The following CSPG4 variants were observed in gnomAD, a reference collection of about 807,000 sequenced individuals.
CSPG4 encodes the protein chondroitin sulfate proteoglycan 4 (melanoma-associated).
Under a neutral mutation model 139.3 loss-of-function variants are expected in CSPG4, and 74 were observed. That is an observed-to-expected ratio of 0.53 (90% CI 0.44 to 0.64). CSPG4 has a LOEUF of 0.64. Among genes scored for constraint, CSPG4 ranks in the 30% least tolerant of loss-of-function variants. The pLI, the probability that CSPG4 is intolerant of heterozygous loss-of-function variation, is 0.00. For missense variants in CSPG4, 2,565 were observed against 3,148.3 expected, an observed-to-expected ratio of 0.81 and a Z score of 4.43; for synonymous variants, 1,234 against 1,394.2, an observed-to-expected ratio of 0.89 and a Z score of 2.56.
At position 75,712,756 on chromosome 15, in the gene CSPG4, C is replaced by T. The variant is rs1275280303; in HGVS notation, c.-1G>A. On this transcript the variant is annotated 5_prime_UTR_variant, in exon 1 of 10. Coordinates refer to ENST00000308508, the MANE Select transcript of CSPG4 (RefSeq NM_001897.5). ...GTGGGGGCCGCGGCCCGGACTGCAT[C>T]CCGGCGGGCTGGGCGGCAGGACTTG... 6.5e-6 allele frequency: 10 copies of T among 1,544,142 alleles called. No individual in the cohort carries two copies. The highest frequency in any genetic ancestry group is 7.9e-6 in the Non-Finnish European group (9 of 1,143,978).
At chr15:75,686,957 AAT>A (rs1894068252) in intron 3 of CSPG4, among the ~76,000 whole-genome samples, 1 of 152,020 alleles carries the variant, frequency 6.6e-6, no homozygotes. Context: ...AACTGACTGC[AAT>A]GGAGATTCTC....
chr15:75,694,000 C>T (rs1445756554), intron 1 of CSPG4, among the ~76,000 whole-genome samples: 1 of 152,242 alleles, frequency 6.6e-6, no homozygotes, highest in Non-Finnish European at 1.5e-5. Context: ...TTGCTTCCTG[C>T]TGGAGAGCTA....
intron 1 of CSPG4, among the ~76,000 whole-genome samples, chr15:75,707,946 C>A (rs1048554881): frequency 3.9e-5 from 6 of 151,996 alleles, no homozygotes; most frequent in South Asian, 2.1e-4. Flanking sequence ...AGCTACCCCC[C>A]AAACCAGGGC....
At chr15:75,700,250 C>G (rs989585211) in intron 1 of CSPG4, among the ~76,000 whole-genome samples, 21 of 152,126 alleles carry the variant, frequency 1.4e-4, no homozygotes, top group African/African-American at 4.8e-4. Context: ...GCCTGTGAAT[C>G]GGAAGTGGAG....
At chr15:75,709,816 G>A (rs915892024) in intron 1 of CSPG4, among the ~76,000 whole-genome samples, 2 of 152,088 alleles carry the variant, frequency 1.3e-5, no homozygotes, top group South Asian at 2.1e-4. Flanking sequence ...CCCCCCAGGC[G>A]GGCAGCACTA....
intron 1 of CSPG4, among the ~76,000 whole-genome samples, chr15:75,701,468 G>A (rs577888465): frequency 6.6e-6 from 1 of 152,284 alleles, no homozygotes; most frequent in African/African-American, 2.4e-5. Context: ...GGGCTACCCA[G>A]GCCCATCAGA....
chr15:75,706,545 T>C (rs1894375983), intron 1 of CSPG4, among the ~76,000 whole-genome samples: 3 of 152,094 alleles, frequency 2.0e-5, no homozygotes, highest in Non-Finnish European at 4.4e-5. Flanking sequence ...AAGAAAGGCC[T>C]GTAACCCCAC....
chr15:75,690,202 C>T lies in CSPG4; in HGVS notation c.863G>A (p.Ser288Asn). The T allele has an allele frequency of 6.2e-7, 1 of 1,613,378 alleles. No individual in the cohort carries two copies. The highest frequency in any genetic ancestry group is 8.5e-7 in the Non-Finnish European group (1 of 1,179,886). The change falls in exon 3 of 10, where the codon AGT becomes AAT. Residue 288 changes from serine (S) to asparagine (N), a missense_variant. Ser to Asn is a conservative substitution (Grantham distance 46). Coordinates refer to ENST00000308508, the MANE Select transcript of CSPG4 (RefSeq NM_001897.5). Reference sequence around the variant, plus strand: ...CAGCCGGTGAGCATTGATGTGGACACTGACCTCATGGGGCTGCCCATCGGC... The same window carrying T: ...CAGCCGGTGAGCATTGATGTGGACATTGACCTCATGGGGCTGCCCATCGGC... ...PVADGQPHEVSVHINAHRLEI... is the reference protein window; with the variant it reads ...PVADGQPHEVNVHINAHRLEI...
At chr15:75,699,894 C>T (rs1894278979) in intron 1 of CSPG4, among the ~76,000 whole-genome samples, 1 of 152,152 alleles carries the variant, frequency 6.6e-6, no homozygotes, top group South Asian at 2.1e-4. Context: ...CCATCCGTAC[C>T]CTCCTTTCCC....
rs531597178 is a variant in CSPG4, at chr15:75,689,251, C to A, written c.1814G>T (p.Arg605Leu). The A allele has an allele frequency of 1.2e-6, 2 of 1,610,362 alleles. No individual in the cohort carries two copies. The highest frequency in any genetic ancestry group is 1.7e-6 in the Non-Finnish European group (2 of 1,179,642). Residue 605 changes from arginine (R) to leucine (L), a missense_variant, in exon 3 of 10, where the codon CGC becomes CTC. Physicochemically the swap from Arg to Leu is moderately radical, Grantham distance 102. Transcript: ENST00000308508. ...CGCCGGCTCCCCAGGCTGGTCTCGG[C>A]GCTCCACGGGGAGGCCAGAGGAGGT... ...LGTSSGLPVERRDQPGEPATE... is the reference protein window; with the variant it reads ...LGTSSGLPVELRDQPGEPATE...
rs750431851 is a variant in CSPG4 at position 75,690,353 on chromosome 15, G to A, written c.712C>T (p.Pro238Ser). 2.5e-6 allele frequency: 4 copies of A among 1,611,802 alleles called. No individual in the cohort carries two copies. In the South Asian group the frequency reaches 4.4e-5, roughly 18 times the overall value. The change falls in exon 3 of 10, where the codon CCC (proline) becomes TCC (serine). Residue 238 changes from proline (P) to serine (S), a missense_variant. Coordinates refer to ENST00000308508, the MANE Select transcript of CSPG4 (RefSeq NM_001897.5). ...FTLTTQSRQA[P>S]LAFQAGGRRG... ...CGGCCCCCTGCCTGGAAGGCCAAGG[G>A]TGCCTGCCGGCTCTGTGTGGTGAGT...
In CSPG4 at chr15:75,677,116, A is replaced by G; in HGVS notation, c.5403T>C (p.Arg1801=). ...GGTQQDGFHF[R]AHLQGPAGAS... ...CCCCTGCTGGCCCCTGGAGGTGGGC[A>G]CGAAAGTGGAAGCCATCCTGCTGGG... Residue 1801 remains arginine, a synonymous_variant, in exon 10 of 10, where the codon CGT becomes CGC. Coordinates refer to ENST00000308508, the MANE Select transcript of CSPG4 (RefSeq NM_001897.5). The G allele has an allele frequency of 7.1e-7, 1 of 1,410,854 alleles. No individual in the cohort carries two copies. Among genetic ancestry groups the G allele is most frequent in the Admixed American group, 2.8e-5 (1 of 36,096 alleles). 87.4% of individuals were successfully genotyped at this position (1,410,854 alleles called of 1,614,324 possible).
At chr15:75,707,563 G>A (rs1438494973) in intron 1 of CSPG4, among the ~76,000 whole-genome samples, 3 of 152,220 alleles carry the variant, frequency 2.0e-5, no homozygotes, top group Non-Finnish European at 4.4e-5. Context: ...AGGCCACACA[G>A]CCCCAGGCCT....
At chr15:75,702,433 C>T (rs1894317388) in intron 1 of CSPG4, among the ~76,000 whole-genome samples, 1 of 152,252 alleles carries the variant, frequency 6.6e-6, no homozygotes, top group African/African-American at 2.4e-5. Context: ...GCCCAGGGGG[C>T]TGTGCTGTTG....
chr15:75,678,931 G>C (rs566118628), intron 8 of CSPG4: 32 of 373,896 alleles, frequency 8.6e-5, no homozygotes, highest in South Asian at 6.3e-4. Flanking sequence ...AGAGCCACAG[G>C]CTCTGGGATA....
At position 75,698,795 on chromosome 15, in the gene CSPG4, C is replaced by T. The variant is rs948959771; in HGVS notation, c.89-5562G>A. Among the ~76,000 whole-genome samples, 2 of 152,164 alleles carry T rather than the reference C, an allele frequency of 1.3e-5. No homozygotes were observed. Among genetic ancestry groups the T allele is most frequent in the Non-Finnish European group, 2.9e-5 (2 of 68,012 alleles). On this transcript the variant is annotated intron_variant, in intron 1 of 9. Coordinates refer to ENST00000308508, the MANE Select transcript of CSPG4 (RefSeq NM_001897.5). This position sits in a 1 kb window ranked among gnomAD's most constrained non-coding sequence, Gnocchi z 4.3. ...AGCAGACTCCCCAAGGCTCAGCCACCCACACTGAGCTATCACCTTCACCCA... is the reference window on the plus strand; with the variant it reads ...AGCAGACTCCCCAAGGCTCAGCCACTCACACTGAGCTATCACCTTCACCCA...
At chr15:75,691,185 C>CA (rs1010700954) in intron 2 of CSPG4, among the ~76,000 whole-genome samples, 7 of 150,862 alleles carry the variant, frequency 4.6e-5, no homozygotes, top group African/African-American at 7.3e-5. Context: ...AAAAAACAAA[C>CA]AAAAAAAAAG....
At chr15:75,685,729 C>A in intron 3 of CSPG4, 28 bp from the exon 4 acceptor site, 3 of 1,559,126 alleles carry the variant, frequency 1.9e-6, no homozygotes, top group South Asian at 1.2e-5. Flanking sequence ...CAAGGACTCA[C>A]AGGGGGCCAC....
At chr15:75,695,949 A>G (rs1211040206) in intron 1 of CSPG4, among the ~76,000 whole-genome samples, 1 of 152,144 alleles carries the variant, frequency 6.6e-6, no homozygotes, top group African/African-American at 2.4e-5. Context: ...AGAATGGGTC[A>G]AGCTAGGCTC....
Sources: gnomAD v4.1 joint callset for allele counts (sites outside exome capture counted in the v4.1 genomes callset) on GRCh38, gnomAD v4.1.1 for gene constraint, Gnocchi (gnomAD v3.1) non-coding constraint, MANE v1.5 for transcripts, NCBI Gene and HGNC (gene_info 2026-07-23, HGNC 2026-07-21) for gene names.